The following MAGOHB variants were observed in gnomAD, a reference collection of about 807,000 sequenced individuals.
MAGOHB encodes protein mago nashi homolog 2.
Under a neutral mutation model 20.9 loss-of-function variants are expected in MAGOHB, and 15 were observed. The observed-to-expected ratio is 0.72, with a 90% confidence interval of 0.48 to 1.11. MAGOHB has a LOEUF of 1.11. MAGOHB is among the 50% of genes least tolerant of loss of function. The pLI is 0.00. For missense variants in MAGOHB, 162 were observed against 177.6 expected (o/e 0.91, Z 0.50); for synonymous variants, 50 against 57.9 (o/e 0.86, Z 0.62).
At chr12:10,603,778 T>G (rs1249601815), downstream of MAGOHB, among the ~76,000 whole-genome samples, 1 of 152,202 alleles carries the variant, frequency 6.6e-6, no homozygotes, top group African/African-American at 2.4e-5. Flanking sequence ...TCATTTACCT[T>G]TGTTGTTTAT....
intron 3 of MAGOHB, chr12:10,609,617 T>G (rs1865687068): frequency 1.8e-6 from 1 of 543,442 alleles, no homozygotes; most frequent in Non-Finnish European, 3.3e-6. Flanking sequence ...CAGAGAAAGA[T>G]GTCTAAATTT....
downstream of MAGOHB, among the ~76,000 whole-genome samples, chr12:10,599,956 T>G (rs924448926): frequency 6.6e-6 from 1 of 152,200 alleles, no homozygotes; most frequent in Non-Finnish European, 1.5e-5. Flanking sequence ...TATAAAAATA[T>G]AGACATATAA....
downstream of MAGOHB, among the ~76,000 whole-genome samples, chr12:10,603,955 A>T (rs1397768856): frequency 6.6e-6 from 1 of 152,186 alleles, no homozygotes; most frequent in Non-Finnish European, 1.5e-5. Context: ...AAATCATCTC[A>T]GTTACATTAA....
At chr12:10,602,373 G>A (rs562502759), downstream of MAGOHB, among the ~76,000 whole-genome samples, 165 of 152,294 alleles carry the variant, frequency 1.1e-3, no homozygotes, top group African/African-American at 3.8e-3. Context: ...ACTGACGACG[G>A]GAAAGCCAAA....
At chr12:10,600,667 G>A (rs891677905), downstream of MAGOHB, among the ~76,000 whole-genome samples, 1 of 151,968 alleles carries the variant, frequency 6.6e-6, no homozygotes, top group Non-Finnish European at 1.5e-5. Flanking sequence ...CACCTATATC[G>A]AAGACTTGAA....
intron 2 of MAGOHB, 131 bp from the exon 3 acceptor site, chr12:10,610,072 A>AGGAG: frequency 1.8e-6 from 1 of 560,628 alleles, no homozygotes; most frequent in Non-Finnish European, 3.1e-6. Flanking sequence ...CCAAAAGTAG[A>AGGAG]GGAGACAGAA....
chr12:10,609,645 C>G (rs1166378505), intron 3 of MAGOHB, 186 bp downstream of exon 3: 4 of 574,316 alleles, frequency 7.0e-6, no homozygotes, highest in Non-Finnish European at 1.2e-5. Context: ...TGCACTGACT[C>G]CTTCACTACT....
At chr12:10,607,273 T>A (rs895847300) in intron 4 of MAGOHB, among the ~76,000 whole-genome samples, 1 of 152,030 alleles carries the variant, frequency 6.6e-6, no homozygotes, top group African/African-American at 2.4e-5. Flanking sequence ...AGCAGACAAA[T>A]AGGTTATTAC....
intron 2 of MAGOHB, among the ~76,000 whole-genome samples, chr12:10,610,192 T>C (rs1211543790): frequency 6.6e-6 from 1 of 152,208 alleles, no homozygotes; most frequent in Non-Finnish European, 1.5e-5. Flanking sequence ...ATTCTGCCTT[T>C]GCAACACTGA....
At chr12:10,611,537 A>G (rs1426515903) in intron 1 of MAGOHB, among the ~76,000 whole-genome samples, 1 of 152,008 alleles carries the variant, frequency 6.6e-6, no homozygotes, top group Non-Finnish European at 1.5e-5. Context: ...ACCTGAGGTC[A>G]GCAGTTAGAG....
Position 10,613,607 on chromosome 12 carries a change from A to T in MAGOHB, c.-75T>A, listed in dbSNP as rs1450974220. The stretch of plus-strand genomic sequence containing the variant: ...GCCTTGCAGTGACGTCATCGCGCGG[A>T]ATAAGTGCGTCACCACAGGCGCTTC... On this transcript the variant is annotated 5_prime_UTR_variant, in exon 1 of 5. Transcript: ENST00000320756. 5.3e-6 allele frequency: 5 copies of T among 944,100 alleles called. No homozygotes were observed. The highest frequency in any genetic ancestry group is 2.6e-5 in the South Asian group (2 of 77,578). 58.5% of individuals were successfully genotyped at this position (944,100 alleles called of 1,614,324 possible). A position where few individuals can be genotyped will look rare whatever the true frequency, so the allele number is the denominator to read the frequency against.
chr12:10,613,305 A>G (rs1865784380), intron 1 of MAGOHB, 134 bp downstream of exon 1: 1 of 756,694 alleles, frequency 1.3e-6, no homozygotes, highest in Admixed American at 2.3e-5. Flanking sequence ...AAACCAACTT[A>G]TGCCTCCTCT....
chr12:10,600,634 C>A (rs1865545188), downstream of MAGOHB, among the ~76,000 whole-genome samples: 1 of 152,100 alleles, frequency 6.6e-6, no homozygotes, highest in Admixed American at 6.5e-5. Flanking sequence ...TCCCTAAAAC[C>A]TTCCAGCAAG....
intron 3 of MAGOHB, 107 bp from the exon 4 acceptor site, chr12:10,608,043 C>T: frequency 3.2e-6 from 2 of 627,856 alleles, no homozygotes; most frequent in Non-Finnish European, 2.7e-6. Flanking sequence ...TTTCTAGCAG[C>T]CAACAGAGGG....
chr12:10,609,773 C>G, intron 3 of MAGOHB, 58 bp downstream of exon 3: 1 of 1,095,250 alleles, frequency 9.1e-7, no homozygotes. Context: ...TAACGGGAAA[C>G]AAAATAGTAT....
intron 1 of MAGOHB, chr12:10,612,547 G>A: frequency 2.5e-6 from 1 of 406,900 alleles, no homozygotes; most frequent in Non-Finnish European, 3.4e-6. Flanking sequence ...CTGCTTATAG[G>A]ACTTAATATG....
intron 1 of MAGOHB, among the ~76,000 whole-genome samples, chr12:10,612,016 T>C (rs945990576): frequency 1.3e-5 from 2 of 151,918 alleles, no homozygotes; most frequent in African/African-American, 4.8e-5. Context: ...TTAGCTGAAT[T>C]TATGGGGACG....
chr12:10,607,782 C>A, intron 4 of MAGOHB, 72 bp downstream of exon 4: 2 of 830,440 alleles, frequency 2.4e-6, no homozygotes, highest in Non-Finnish European at 2.0e-6. Context: ...TCTTGGCTAG[C>A]AAACTGACTA....
chr12:10,610,270 C>G (rs1040087335), intron 2 of MAGOHB, among the ~76,000 whole-genome samples: 1 of 152,094 alleles, frequency 6.6e-6, no homozygotes, highest in East Asian at 1.9e-4. Context: ...GTAATAAATG[C>G]AAGTATACTG....
Sources: gnomAD v4.1 joint callset for allele counts (sites outside exome capture counted in the v4.1 genomes callset) on GRCh38, gnomAD v4.1.1 for gene constraint, MANE v1.5 for transcripts, NCBI Gene and HGNC (gene_info 2026-07-23, HGNC 2026-07-21) for gene names.